The following CREBZF variants were observed in gnomAD, a reference collection of about 807,000 sequenced individuals.
CREBZF encodes the protein HCF-binding transcription factor Zhangfei.
In CREBZF, 8 loss-of-function variants were observed where a neutral mutation model predicts 21.1. The observed-to-expected ratio is 0.38, with a 90% CI of 0.22 to 0.68. CREBZF has a LOEUF of 0.68. Among genes scored for constraint, CREBZF ranks in the 30% least tolerant of loss-of-function variants. The pLI, the probability that CREBZF is intolerant of heterozygous loss-of-function variation, is 0.51. For missense variants in CREBZF, 518 were observed against 484.3 expected, an observed-to-expected ratio of 1.07 and a Z score of -0.65; for synonymous variants, 270 against 223.3, an observed-to-expected ratio of 1.21 and a Z score of -1.86.
chr11:85,676,970 C>CTTTTTTTTTT lies in CREBZF; in HGVS notation n.147+5737_147+5746dup, dbSNP rs1422368391. ...TAAAGTAATTTTTTTCTTTTTCTGT[C>CTTTTTTTTTT]TTTTTTTTTTTGAGACAGAATGTCA... On this transcript the variant is annotated intron_variant and non_coding_transcript_variant, in intron 1 of 3. Coordinates refer to the CREBZF transcript ENST00000531515. Among the ~76,000 whole-genome samples the CTTTTTTTTTT allele has an allele frequency of 6.7e-5, 8 of 118,638 alleles. 1 individual carries two copies. The highest frequency in any genetic ancestry group is 1.8e-4 in the Admixed American group (2 of 11,406). The allele number at this position is 118,638 out of a possible 152,430, so 77.8% of individuals were successfully genotyped here. A position where few individuals can be genotyped will look rare whatever the true frequency, so the allele number is the denominator to read the frequency against.
At chr11:85,666,707 T>C (rs2082868687), upstream of CREBZF, among the ~76,000 whole-genome samples, 1 of 152,246 alleles carries the variant, frequency 6.6e-6, no homozygotes, top group African/African-American at 2.4e-5. Flanking sequence ...TGCCTGGTAC[T>C]GCATAGGCTT....
At chr11:85,678,898 G>C (rs2082958203) in intron 1 of CREBZF, among the ~76,000 whole-genome samples, 1 of 152,152 alleles carries the variant, frequency 6.6e-6, no homozygotes, top group African/African-American at 2.4e-5. Context: ...GCTGATCATA[G>C]ATCTGAGTTT....
At position 85,664,701 on chromosome 11, in the gene CREBZF, C is replaced by A. The variant is rs765705718; in HGVS notation, c.175G>T (p.Asp59Tyr). Residue 59 changes from aspartate (D) to tyrosine (Y), a missense_variant, in exon 1 of 1, where the codon GAC becomes TAC. Physicochemically the swap from Asp to Tyr is radical, Grantham distance 160. This residue lies in a region of CREBZF where 396 missense variants were observed against 324.4 expected (regional missense o/e 1.22). Transcript: ENST00000527447. The surrounding 1 kb of genome is among the most constrained non-coding windows in gnomAD (Gnocchi z 5.5). Reference protein sequence around the residue: ...GSPGRKQQFGDEGELEAGRGS... With the variant: ...GSPGRKQQFGYEGELEAGRGS... ...CTCCCGGCTTCCAACTCTCCTTCGT[C>A]GCCAAACTGCTGCTTGCGGCCGGGA... 2 of 1,605,020 alleles carry A rather than the reference C, an allele frequency of 1.2e-6. No homozygotes were observed. The highest frequency in any genetic ancestry group is 1.7e-6 in the Non-Finnish European group (2 of 1,176,748).
rs934793759 is a variant in CREBZF, at chr11:85,659,287, T to C, written c.*4524A>G. On this transcript the variant is annotated 3_prime_UTR_variant, in exon 1 of 1. Coordinates refer to ENST00000527447, the MANE Select transcript of CREBZF (RefSeq NM_001039618.4). The stretch of plus-strand genomic sequence containing the variant: ...ACCTTAAACTACACATTCAAAATGC[T>C]GAACTAGATAATCACATATTAAAAA... 2.0e-5 allele frequency among the ~76,000 whole-genome samples: 3 copies of C among 152,094 alleles called. No individual in the cohort carries two copies. Among genetic ancestry groups the C allele is most frequent in the Admixed American group, 6.6e-5 (1 of 15,260 alleles).
chr11:85,662,419 C>A lies in CREBZF; in HGVS notation c.*1392G>T. The A allele has an allele frequency of 1.4e-6, 1 of 717,190 alleles. No homozygotes were observed. Among genetic ancestry groups the A allele is most frequent in the Non-Finnish European group, 2.6e-6 (1 of 384,898 alleles). The allele number at this position is 717,190 out of a possible 1,614,324, so 44.4% of individuals were successfully genotyped here. A position where few individuals can be genotyped will look rare whatever the true frequency, so the allele number is the denominator to read the frequency against. The stretch of plus-strand genomic sequence containing the variant: ...AAAATAAAGCAGGAAATGTGGCCAG[C>A]AGCTGGTCCCGTCTCTTCTGCCCCA... On this transcript the variant is annotated 3_prime_UTR_variant, in exon 1 of 1. Transcript: ENST00000527447.
At chr11:85,678,047 A>G (rs1026583376) in intron 1 of CREBZF, among the ~76,000 whole-genome samples, 12 of 152,322 alleles carry the variant, frequency 7.9e-5, no homozygotes, top group African/African-American at 2.9e-4. Context: ...ATATCATGAT[A>G]TTCAGTGTTT....
At chr11:85,680,105 C>T (rs1269071855) in intron 1 of CREBZF, among the ~76,000 whole-genome samples, 1 of 152,172 alleles carries the variant, frequency 6.6e-6, no homozygotes, top group Non-Finnish European at 1.5e-5. Context: ...TTCATTTATG[C>T]AGCTGGAAAT....
upstream of CREBZF, among the ~76,000 whole-genome samples, chr11:85,668,555 A>G (rs945737989): frequency 6.6e-6 from 1 of 151,740 alleles, no homozygotes; most frequent in African/African-American, 2.4e-5. Context: ...CTGCTTTGCA[A>G]TTATTATTAT....
chr11:85,680,810 T>C (rs1355105668), intron 1 of CREBZF, among the ~76,000 whole-genome samples: 1 of 152,214 alleles, frequency 6.6e-6, no homozygotes, highest in East Asian at 1.9e-4. Context: ...AGACTTGTGA[T>C]TAAGGATTTA....
rs561766119 is a variant in CREBZF at position 85,665,065 on chromosome 11, A to G, written c.-190T>C. The stretch of plus-strand genomic sequence containing the variant: ...GCCAAGGCGCGGGGAGGGACGGGAG[A>G]ACGAAGCGGTGAGGCCCTGCGATGA... On this transcript the variant is annotated 5_prime_UTR_variant, in exon 1 of 1. Transcript: ENST00000527447. 444 of 442,068 alleles carry G rather than the reference A, an allele frequency of 1.0e-3. 1 individual carries two copies. Among genetic ancestry groups the G allele is most frequent in the African/African-American group, 8.7e-3 (424 of 48,952 alleles). The allele number at this position is 442,068 out of a possible 1,614,324, so 27.4% of individuals were successfully genotyped here. A position where few individuals can be genotyped will look rare whatever the true frequency, so the allele number is the denominator to read the frequency against.
chr11:85,682,768 C>G (rs1251807542), exon 1 of CREBZF: 1 of 700,808 alleles, frequency 1.4e-6, no homozygotes, highest in East Asian at 2.7e-5. Flanking sequence ...GCCCATGGGA[C>G]TTCTCCCCGC....
chr11:85,670,836 T>A (rs2082907208), intron 1 of CREBZF, among the ~76,000 whole-genome samples: 1 of 152,212 alleles, frequency 6.6e-6, no homozygotes. Context: ...CCTAGTACCT[T>A]AGAATGTGAC....
rs1032959090 is a variant in CREBZF, at chr11:85,663,265, G to A, written c.*546C>T. 2 of 523,074 alleles carry A rather than the reference G, an allele frequency of 3.8e-6. No individual in the cohort carries two copies. Among genetic ancestry groups the A allele is most frequent in the Non-Finnish European group, 6.9e-6 (2 of 291,688 alleles). The allele number at this position is 523,074 out of a possible 1,614,324, so 32.4% of individuals were successfully genotyped here. Reference sequence around the variant, plus strand: ...TGTCATCCAAGGCCATGTCCACACTGGGGACAGAAGAGCTAGGTACACGCA... The same window carrying A: ...TGTCATCCAAGGCCATGTCCACACTAGGGACAGAAGAGCTAGGTACACGCA... On this transcript the variant is annotated 3_prime_UTR_variant, in exon 1 of 1. Coordinates refer to ENST00000527447, the MANE Select transcript of CREBZF (RefSeq NM_001039618.4).
At chr11:85,670,241 G>T (rs72958024) in intron 1 of CREBZF, among the ~76,000 whole-genome samples, 9 of 142,938 alleles carry the variant, frequency 6.3e-5, no homozygotes, top group African/African-American at 2.3e-4. Context: ...ACTTTGTTTC[G>T]TATTCTTTAT....
rs777413679 is a variant in CREBZF at position 85,664,907 on chromosome 11, G to A, written c.-32C>T. ...CAGCGGCGGGCCGCGGTAGGCCCCG[G>A]CCGCTAAGAGTGGGCCTCACGGGCC... On this transcript the variant is annotated 5_prime_UTR_variant, in exon 1 of 1. Coordinates refer to ENST00000527447, the MANE Select transcript of CREBZF (RefSeq NM_001039618.4). This position sits in a 1 kb window ranked among gnomAD's most constrained non-coding sequence, Gnocchi z 5.5. The A allele has an allele frequency of 7.1e-7, 1 of 1,415,446 alleles. No individual in the cohort carries two copies. The highest frequency in any genetic ancestry group is 9.2e-7 in the Non-Finnish European group (1 of 1,084,454). 87.7% of individuals were successfully genotyped at this position (1,415,446 alleles called of 1,614,324 possible).
At chr11:85,669,251 T>C (rs2082894925), upstream of CREBZF, among the ~76,000 whole-genome samples, 1 of 152,020 alleles carries the variant, frequency 6.6e-6, no homozygotes, top group East Asian at 1.9e-4. Flanking sequence ...ACATTGGGTT[T>C]TTTATATTGG....
chr11:85,677,109 G>A (rs550490628), intron 1 of CREBZF, among the ~76,000 whole-genome samples: 70 of 151,682 alleles, frequency 4.6e-4, no homozygotes, highest in African/African-American at 1.7e-3. Context: ...GATTATAGGC[G>A]CCAGCCACCA....
rs1283020157 is a variant in CREBZF at position 85,664,480 on chromosome 11, CGAG to C, written c.393_395del (p.Ser133del). 2 of 1,613,670 alleles carry C rather than the reference CGAG, an allele frequency of 1.2e-6. No individual in the cohort carries two copies. The highest frequency in any genetic ancestry group is 1.3e-5 in the African/African-American group (1 of 75,068). ...CGCCGCTATCCGAGCCTCCGCCAGA[CGAG>C]GAGAGAGGCCCCGGCGAGCTAAGCC... On this transcript the variant is annotated inframe_deletion, in exon 1 of 1. Coordinates refer to ENST00000527447, the MANE Select transcript of CREBZF (RefSeq NM_001039618.4). The surrounding 1 kb of genome is among the most constrained non-coding windows in gnomAD (Gnocchi z 5.5).
Position 85,664,405 on chromosome 11 carries a change from C to A in CREBZF, c.471G>T (p.Gln157His), listed in dbSNP as rs756022252. 1 of 1,613,864 alleles carries A rather than the reference C, an allele frequency of 6.2e-7. No homozygotes were observed. Among genetic ancestry groups the A allele is most frequent in the Admixed American group, 1.7e-5 (1 of 60,030 alleles). The change falls in exon 1 of 1, where the codon CAG (glutamine) becomes CAT (histidine). Residue 157 changes from glutamine to histidine, a missense_variant. Gln to His is a conservative substitution (Grantham distance 24). This residue lies in a region of CREBZF where 396 missense variants were observed against 324.4 expected (regional missense o/e 1.22). Transcript: ENST00000527447. This position sits in a 1 kb window ranked among gnomAD's most constrained non-coding sequence, Gnocchi z 5.5. Reference sequence around the variant, plus strand: ...GCCTTTGCAGCAGGTCAGAGAAGCGCTGCATTTCAGCAGCCGCGGCCTCAT... The same window carrying A: ...GCCTTTGCAGCAGGTCAGAGAAGCGATGCATTTCAGCAGCCGCGGCCTCAT... Reference protein sequence around the residue: ...DDDEAAAAEMQRFSDLLQRLL... With the variant: ...DDDEAAAAEMHRFSDLLQRLL...
Sources: allele counts gnomAD v4.1 joint callset (sites outside exome capture counted in the v4.1 genomes callset), GRCh38; gene constraint gnomAD v4.1.1; regional missense constraint gnomAD v4.1.1; non-coding constraint Gnocchi (gnomAD v3.1); transcripts MANE v1.5; gene names NCBI Gene and HGNC (gene_info 2026-07-23, HGNC 2026-07-21).